The following SPIDR variants were observed in gnomAD, a reference collection of about 807,000 sequenced individuals.
SPIDR encodes the protein scaffold protein involved in DNA repair, also known as DNA repair-scaffolding protein.
SPIDR carries 93 observed loss-of-function variants against 104.6 expected under a neutral mutation model. The observed-to-expected ratio is 0.89, with a 90% CI of 0.75 to 1.06. The LOEUF (loss-of-function observed/expected upper bound fraction) is 1.06. SPIDR is among the 50% of genes least tolerant of loss of function. SPIDR has a pLI of 0.00. For missense variants in SPIDR, 1,154 were observed against 1,111.2 expected (o/e 1.04, Z -0.55); for synonymous variants, 431 against 416.9 (o/e 1.03, Z -0.41).
intron 5 of SPIDR, among the ~76,000 whole-genome samples, chr8:47,392,629 A>C (rs536314644): frequency 6.6e-6 from 1 of 152,356 alleles, no homozygotes; most frequent in Admixed American, 6.5e-5. Context: ...CTGAGCTGCT[A>C]AGTCTTACCA....
rs117487512 is a variant in SPIDR at position 47,724,561 on chromosome 8, G to A, written c.2342-2639G>A. ...ACATGTCCGCTGCATGGCTCCAAGGGGACCCCTTCACATCTGCAGAGAGTT... is the reference window on the plus strand; with the variant it reads ...ACATGTCCGCTGCATGGCTCCAAGGAGACCCCTTCACATCTGCAGAGAGTT... On this transcript the variant is annotated intron_variant, in intron 16 of 19. Transcript: ENST00000297423. Among the ~76,000 whole-genome samples the A allele has an allele frequency of 7.4e-3, 1,126 of 152,322 alleles. 7 individuals are homozygous for A. The highest frequency in any genetic ancestry group is 0.011 in the Non-Finnish European group (755 of 68,038).
At chr8:47,470,270 TTTTG>T (rs1302977609) in intron 8 of SPIDR, among the ~76,000 whole-genome samples, 11 of 151,542 alleles carry the variant, frequency 7.3e-5, no homozygotes, top group Non-Finnish European at 1.5e-4. Flanking sequence ...GTGAAGTGAG[TTTTG>T]TTTTTCGTTT....
At chr8:47,346,263 C>T (rs374891629) in intron 5 of SPIDR, among the ~76,000 whole-genome samples, 2 of 152,146 alleles carry the variant, frequency 1.3e-5, no homozygotes, top group East Asian at 1.9e-4. Context: ...TGATGGATTA[C>T]GTTTATTGAT....
At chr8:47,480,073 T>C (rs565730135) in intron 8 of SPIDR, among the ~76,000 whole-genome samples, 8 of 152,204 alleles carry the variant, frequency 5.3e-5, no homozygotes, top group Non-Finnish European at 8.8e-5. Flanking sequence ...TCACCTATTT[T>C]ACCAGTATTT....
At chr8:47,412,647 G>A (rs1236042661) in intron 7 of SPIDR, among the ~76,000 whole-genome samples, 2 of 152,104 alleles carry the variant, frequency 1.3e-5, no homozygotes, top group African/African-American at 2.4e-5. Context: ...TATTTCCAGA[G>A]TTATTTAATA....
Position 47,320,485 on chromosome 8 carries a change from T to C in SPIDR, c.525+26455T>C, listed in dbSNP as rs185921797. On this transcript the variant is annotated intron_variant, in intron 5 of 19. Transcript: ENST00000297423. ...TTACCAAACAAAAAAAGTCCAGGAC[T>C]GGATGAATTTACAGCCGAATTCTAC... is the stretch of plus-strand genomic sequence containing the variant. Among the ~76,000 whole-genome samples, 519 of 152,160 alleles carry C rather than the reference T, an allele frequency of 3.4e-3. 1 individual carries two copies. The highest frequency in any genetic ancestry group is 0.012 in the African/African-American group (508 of 41,546).
At chr8:47,735,095 G>GGTGT (rs146992468) in intron 19 of SPIDR, among the ~76,000 whole-genome samples, 6 of 146,156 alleles carry the variant, frequency 4.1e-5, no homozygotes, top group South Asian at 2.2e-4. Flanking sequence ...TGGGTGTGTG[G>GGTGT]GTGTGTGTGT....
At chr8:47,470,568 C>A (rs1393400327) in intron 8 of SPIDR, among the ~76,000 whole-genome samples, 1 of 151,954 alleles carries the variant, frequency 6.6e-6, no homozygotes, top group Non-Finnish European at 1.5e-5. Context: ...TTACGAGCTA[C>A]CACGCCTGAC....
intron 7 of SPIDR, among the ~76,000 whole-genome samples, chr8:47,431,985 GC>G (rs1414116899): frequency 2.0e-5 from 3 of 152,104 alleles, no homozygotes; most frequent in Non-Finnish European, 4.4e-5. Flanking sequence ...CCTGCTTACA[GC>G]TTTATGAATT....
intron 10 of SPIDR, among the ~76,000 whole-genome samples, chr8:47,624,692 A>G (rs1221749240): frequency 6.6e-6 from 1 of 152,216 alleles, no homozygotes; most frequent in African/African-American, 2.4e-5. Flanking sequence ...ACCAGGAAGA[A>G]GTTGAATCTC....
chr8:47,473,629 A>G (rs1470642197), intron 8 of SPIDR, among the ~76,000 whole-genome samples: 1 of 152,176 alleles, frequency 6.6e-6, no homozygotes, highest in Non-Finnish European at 1.5e-5. Flanking sequence ...CTATTTTAGC[A>G]CATTCAATAG....
chr8:47,673,716 C>T, intron 10 of SPIDR, 85 bp from the exon 11 acceptor site: 1 of 1,573,386 alleles, frequency 6.4e-7, no homozygotes, highest in Non-Finnish European at 8.7e-7. Context: ...TATATAGTGG[C>T]TTTATAATGA....
At chr8:47,635,727 T>A (rs1563381157) in intron 10 of SPIDR, among the ~76,000 whole-genome samples, 1 of 149,098 alleles carries the variant, frequency 6.7e-6, no homozygotes. Flanking sequence ...ACCCTGTCTC[T>A]AAAAAAAAAA....
rs184524257 is a variant in SPIDR at position 47,631,061 on chromosome 8, G to T, written c.1544+31865G>T. On this transcript the variant is annotated intron_variant, in intron 10 of 19. Coordinates refer to ENST00000297423, the MANE Select transcript of SPIDR (RefSeq NM_001080394.4). ...GGATGAGGGCGTCGGAGGGAGGGAC[G>T]GAGAGAGACAGCGATGAAGAGGCTG... 2.7e-3 allele frequency among the ~76,000 whole-genome samples: 405 copies of T among 152,274 alleles called. 3 individuals are homozygous for T. The highest frequency in any genetic ancestry group is 3.3e-3 in the Non-Finnish European group (227 of 68,016).
intron 5 of SPIDR, among the ~76,000 whole-genome samples, chr8:47,303,621 G>A (rs976354410): frequency 1.3e-5 from 2 of 152,158 alleles, no homozygotes; most frequent in African/African-American, 4.8e-5. Flanking sequence ...TGATCATATG[G>A]ATTTTGTCTT....
chr8:47,530,833 A>G (rs1433881444), intron 8 of SPIDR, among the ~76,000 whole-genome samples: 1 of 152,132 alleles, frequency 6.6e-6, no homozygotes, highest in Non-Finnish European at 1.5e-5. Flanking sequence ...TTGGCTTATA[A>G]CACATTGTAC....
intron 10 of SPIDR, among the ~76,000 whole-genome samples, chr8:47,628,597 A>G (rs2066567093): frequency 1.3e-5 from 2 of 152,212 alleles, no homozygotes; most frequent in South Asian, 2.1e-4. Flanking sequence ...GGCTATCTGT[A>G]TAAGGAATAT....
intron 5 of SPIDR, among the ~76,000 whole-genome samples, chr8:47,362,039 GT>G (rs1415435579): frequency 2.6e-5 from 4 of 152,190 alleles, no homozygotes; most frequent in African/African-American, 7.2e-5. Context: ...CCAGCACAGC[GT>G]ACTGGTGGCC....
At chr8:47,394,653 T>C (rs1351622779) in intron 5 of SPIDR, among the ~76,000 whole-genome samples, 1 of 152,174 alleles carries the variant, frequency 6.6e-6, no homozygotes, top group Non-Finnish European at 1.5e-5. Context: ...GACAGTGCTG[T>C]AGGACAAAGG....
Sources: gnomAD v4.1 joint callset for allele counts (sites outside exome capture counted in the v4.1 genomes callset) on GRCh38, gnomAD v4.1.1 for gene constraint, MANE v1.5 for transcripts, NCBI Gene and HGNC (gene_info 2026-07-23, HGNC 2026-07-21) for gene names.